FSTL5: variants seen among roughly 807,000 people sequenced by gnomAD.
FSTL5 encodes the protein follistatin-related protein 5.
A neutral mutation model predicts 89.1 loss-of-function variants in FSTL5; 62 were observed. That is an observed-to-expected ratio of 0.70 (90% CI 0.57 to 0.86). The LOEUF (loss-of-function observed/expected upper bound fraction) is 0.86, where lower values mean the gene tolerates loss of function less well. Ranked by LOEUF, FSTL5 falls within the 40% of genes least tolerant of loss-of-function variation. The pLI is 0.00. For synonymous variants in FSTL5, 383 were observed against 346.2 expected (o/e 1.11, Z -1.18); for missense variants, 1,057 against 1,001.6 (o/e 1.06, Z -0.75).
chr4:161,509,316 A>T (rs1476763594), intron 11 of FSTL5, among the ~76,000 whole-genome samples: 3 of 152,182 alleles, frequency 2.0e-5, no homozygotes, highest in Non-Finnish European at 4.4e-5. Context: ...ATAAATAAAT[A>T]TATAAATAAG....
intron 15 of FSTL5, among the ~76,000 whole-genome samples, chr4:161,440,347 T>C (rs1732717138): frequency 6.6e-6 from 1 of 151,334 alleles, no homozygotes; most frequent in African/African-American, 2.4e-5. Flanking sequence ...TGGGCCACAA[T>C]GGAAGAAGAA....
chr4:162,100,218 A>G (rs1365308948), intron 2 of FSTL5, among the ~76,000 whole-genome samples: 1 of 152,190 alleles, frequency 6.6e-6, no homozygotes, highest in Non-Finnish European at 1.5e-5. Context: ...CATTCAGAAA[A>G]TGGAGTATTA....
At chr4:161,961,439 T>G (rs1303555862) in intron 3 of FSTL5, among the ~76,000 whole-genome samples, 1 of 151,960 alleles carries the variant, frequency 6.6e-6, no homozygotes. Context: ...TATCACTGCA[T>G]TATGACTAAC....
intron 3 of FSTL5, among the ~76,000 whole-genome samples, chr4:161,999,619 C>A (rs896483720): frequency 8.5e-5 from 13 of 152,112 alleles, no homozygotes; most frequent in Non-Finnish European, 1.8e-4. Context: ...AATCACAATA[C>A]CTTACATATA....
chr4:162,098,646 T>A (rs1256269707), intron 2 of FSTL5, among the ~76,000 whole-genome samples: 1 of 151,986 alleles, frequency 6.6e-6, no homozygotes, highest in Non-Finnish European at 1.5e-5. Flanking sequence ...GTCAGAGGAC[T>A]AGCAATACTA....
At chr4:161,792,183 CATAACTCAGAT>C (rs1174571754) in intron 4 of FSTL5, among the ~76,000 whole-genome samples, 1 of 152,122 alleles carries the variant, frequency 6.6e-6, no homozygotes, top group South Asian at 2.1e-4. Flanking sequence ...CAGGCACTAT[CATAACTCAGAT>C]GGGTGTGCGC....
At chr4:161,844,260 G>A (rs1351589657) in intron 4 of FSTL5, among the ~76,000 whole-genome samples, 1 of 152,134 alleles carries the variant, frequency 6.6e-6, no homozygotes, top group African/African-American at 2.4e-5. Flanking sequence ...AGTTAGAATG[G>A]CAATCATTAA....
intron 15 of FSTL5, among the ~76,000 whole-genome samples, chr4:161,437,456 A>C (rs1732599223): frequency 6.6e-6 from 1 of 150,654 alleles, no homozygotes; most frequent in Admixed American, 6.6e-5. Context: ...AGTCCCAGCT[A>C]CTCGGGAGGC....
At chr4:161,402,162 G>T (rs17041010) in intron 15 of FSTL5, among the ~76,000 whole-genome samples, 4,904 of 152,064 alleles carry the variant, frequency 0.032, 262 homozygotes, top group African/African-American at 0.11. Flanking sequence ...TGGCAGAAAA[G>T]AAAATGAAAC....
chr4:161,780,826 AAT>A (rs1741639887), intron 4 of FSTL5, among the ~76,000 whole-genome samples: 1 of 152,178 alleles, frequency 6.6e-6, no homozygotes, highest in African/African-American at 2.4e-5. Flanking sequence ...TGCTTAGTAA[AAT>A]ATGTTTTTGT....
chr4:161,450,147 C>T (rs1284765616), intron 15 of FSTL5, among the ~76,000 whole-genome samples: 1 of 152,138 alleles, frequency 6.6e-6, no homozygotes, highest in African/African-American at 2.4e-5. Context: ...ATGGAAATTA[C>T]TCATTGCTTA....
intron 12 of FSTL5, among the ~76,000 whole-genome samples, chr4:161,488,786 T>C (rs1383099733): frequency 6.6e-6 from 1 of 151,178 alleles, no homozygotes; most frequent in Non-Finnish European, 1.5e-5. Flanking sequence ...ATGTTTTTGA[T>C]GCAAACTTTT....
At chr4:161,740,550 T>G (rs1454065465) in intron 6 of FSTL5, among the ~76,000 whole-genome samples, 1 of 152,216 alleles carries the variant, frequency 6.6e-6, no homozygotes, top group African/African-American at 2.4e-5. Flanking sequence ...GTGAGAAGCA[T>G]AGTTGAGACA....
chr4:161,412,788 C>T (rs773112986), intron 15 of FSTL5, among the ~76,000 whole-genome samples: 12 of 152,124 alleles, frequency 7.9e-5, no homozygotes, highest in African/African-American at 2.9e-4. Flanking sequence ...TAATCTTCAA[C>T]AAGGCCAAGA....
chr4:161,790,233 G>A (rs969347632), intron 4 of FSTL5, among the ~76,000 whole-genome samples: 65 of 152,142 alleles, frequency 4.3e-4, no homozygotes, highest in Admixed American at 4.3e-3. Flanking sequence ...TTTTCAAATT[G>A]CCATGCACTT....
At chr4:161,909,757 G>A (rs760156287) in intron 4 of FSTL5, among the ~76,000 whole-genome samples, 38 of 151,994 alleles carry the variant, frequency 2.5e-4, no homozygotes, top group Admixed American at 2.0e-3. Context: ...AGCTAAATCT[G>A]CCACTTGTGT....
chr4:161,506,389 A>G (rs1161451198), intron 11 of FSTL5, among the ~76,000 whole-genome samples: 1 of 151,978 alleles, frequency 6.6e-6, no homozygotes, highest in African/African-American at 2.4e-5. Flanking sequence ...CATTTTAAAT[A>G]TTATTTCAGT....
At chr4:162,000,573 G>A (rs1204747412) in intron 3 of FSTL5, among the ~76,000 whole-genome samples, 44 of 151,612 alleles carry the variant, frequency 2.9e-4, no homozygotes, top group Admixed American at 2.9e-3. Flanking sequence ...ACTCCAGCCT[G>A]GGTGACAGAG....
At chr4:161,982,698 A>G (rs1735857811) in intron 3 of FSTL5, among the ~76,000 whole-genome samples, 1 of 152,226 alleles carries the variant, frequency 6.6e-6, no homozygotes, top group South Asian at 2.1e-4. Flanking sequence ...GTGTTCATGT[A>G]TATGCACAGC....
Sources: allele counts gnomAD v4.1 joint callset (sites outside exome capture counted in the v4.1 genomes callset), GRCh38; gene constraint gnomAD v4.1.1; transcripts MANE v1.5; gene names NCBI Gene and HGNC (gene_info 2026-07-23, HGNC 2026-07-21).